The following ADAT2 variants were observed in gnomAD, a reference collection of about 807,000 sequenced individuals.
ADAT2 encodes the protein tRNA-specific adenosine-34 deaminase catalytic subunit ADAT2.
Under a neutral mutation model 25.9 loss-of-function variants are expected in ADAT2, and 26 were observed. The observed-to-expected ratio is 1.00, with a 90% CI of 0.74 to 1.39. ADAT2 has a LOEUF of 1.39. ADAT2 is among the 40% of genes most tolerant of loss of function. The probability of loss-of-function intolerance (pLI) is 0.00; values close to 1 mark genes in which losing one functional copy is unlikely to be tolerated. For synonymous variants in ADAT2, 76 were observed against 86.8 expected, an observed-to-expected ratio of 0.88 and a Z score of 0.69; for missense variants, 220 against 244.8, an observed-to-expected ratio of 0.90 and a Z score of 0.68.
At position 143,425,946 on chromosome 6, in the gene ADAT2, G is replaced by C. The variant is rs1138410; in HGVS notation, c.*2517C>G. On this transcript the variant is annotated 3_prime_UTR_variant, in exon 6 of 6. Coordinates refer to ENST00000237283, the MANE Select transcript of ADAT2 (RefSeq NM_182503.3). ...AGAAAGCACAAAGATATTTTAACAT[G>C]ATCTTTTATCAGTGATTGAAGCCTA... is the stretch of plus-strand genomic sequence containing the variant. 35,220 of 152,424 alleles carry C rather than the reference G, an allele frequency of 0.23. 4,643 individuals carry two copies. Among genetic ancestry groups the C allele is most frequent in the Middle Eastern group, 0.3 (89 of 294 alleles). 9.4% of individuals were successfully genotyped at this position (152,424 alleles called of 1,614,324 possible). A position where few individuals can be genotyped will look rare whatever the true frequency, so the allele number is the denominator to read the frequency against.
Position 143,424,555 on chromosome 6 carries a change from T to C in ADAT2, c.*3908A>G, listed in dbSNP as rs567583490. ...GAGTGTTTATCCCATTGGATCACCATAGGTCATCTGCAGTATCAGAAACAT... is the reference window on the plus strand; with the variant it reads ...GAGTGTTTATCCCATTGGATCACCACAGGTCATCTGCAGTATCAGAAACAT... On this transcript the variant is annotated 3_prime_UTR_variant, in exon 6 of 6. Coordinates refer to ENST00000237283, the MANE Select transcript of ADAT2 (RefSeq NM_182503.3). This position sits in a 1 kb window ranked among gnomAD's most constrained non-coding sequence, Gnocchi z 4.8. The C allele has an allele frequency of 3.3e-5, 5 of 152,336 alleles. No individual in the cohort carries two copies. Among genetic ancestry groups the C allele is most frequent in the African/African-American group, 9.6e-5 (4 of 41,570 alleles). The allele number at this position is 152,336 out of a possible 1,614,324, so 9.4% of individuals were successfully genotyped here. A position where few individuals can be genotyped will look rare whatever the true frequency, so the allele number is the denominator to read the frequency against.
At chr6:143,445,981 G>A (rs772352479) in intron 1 of ADAT2, among the ~76,000 whole-genome samples, 56 of 151,038 alleles carry the variant, frequency 3.7e-4, no homozygotes, top group Non-Finnish European at 7.8e-4. Flanking sequence ...ATACACATAT[G>A]TATAGATAGT....
Position 143,432,408 on chromosome 6 carries a change from G to C in ADAT2, c.459+97C>G. On this transcript the variant is annotated intron_variant, in intron 4 of 5. Coordinates refer to ENST00000237283, the MANE Select transcript of ADAT2 (RefSeq NM_182503.3). This position sits in a 1 kb window ranked among gnomAD's most constrained non-coding sequence, Gnocchi z 4.4. ...ATCAAAGATGTCTGATTCTATCATC[G>C]TTTCTTCGTATACTGGCCACACACT... 1 of 1,112,366 alleles carries C rather than the reference G, an allele frequency of 9.0e-7. No individual in the cohort carries two copies. Among genetic ancestry groups the C allele is most frequent in the Non-Finnish European group, 1.3e-6 (1 of 747,796 alleles). The allele number at this position is 1,112,366 out of a possible 1,614,324, so 68.9% of individuals were successfully genotyped here.
intron 4 of ADAT2, among the ~76,000 whole-genome samples, chr6:143,429,232 T>C (rs1779037253): frequency 6.6e-6 from 1 of 152,120 alleles, no homozygotes; most frequent in South Asian, 2.1e-4. Flanking sequence ...GGTTTTTATA[T>C]CTTAAAAGCT....
rs369961060 is a variant in ADAT2 at position 143,425,500 on chromosome 6, CAAAA to C, written c.*2959_*2962del. On this transcript the variant is annotated 3_prime_UTR_variant, in exon 6 of 6. Transcript: ENST00000237283. Reference sequence around the variant, plus strand: ...CTGGACGACAGAGTGAGACCTATCTCAAAAAAAAAAAAAAAAAAGAAAAAGCTGG... The same window carrying C: ...CTGGACGACAGAGTGAGACCTATCTCAAAAAAAAAAAAAAGAAAAAGCTGG... 75 of 118,754 alleles carry C rather than the reference CAAAA, an allele frequency of 6.3e-4. No individual in the cohort carries two copies. Among genetic ancestry groups the C allele is most frequent in the Admixed American group, 9.3e-4 (11 of 11,838 alleles). The allele number at this position is 118,754 out of a possible 1,614,324, so 7.4% of individuals were successfully genotyped here.
chr6:143,438,812 C>T, intron 1 of ADAT2, 118 bp from the exon 2 acceptor site: 1 of 791,234 alleles, frequency 1.3e-6, no homozygotes, highest in Non-Finnish European at 2.1e-6. Context: ...CAAAGAAGTG[C>T]AGCCTTCCCT....
At position 143,444,254 on chromosome 6, in the gene ADAT2, A is replaced by C. The variant is rs1319122553; in HGVS notation, c.97-5560T>G. ...ACAGAGAGCAAATATGAGCGATCGG[A>C]ATATTTTAAAAGGACAAATAACGTC... On this transcript the variant is annotated intron_variant, in intron 1 of 5. Coordinates refer to ENST00000237283, the MANE Select transcript of ADAT2 (RefSeq NM_182503.3). This position sits in a 1 kb window ranked among gnomAD's most constrained non-coding sequence, Gnocchi z 4.3. 6.6e-6 allele frequency among the ~76,000 whole-genome samples: 1 copy of C among 152,146 alleles called. No individual in the cohort carries two copies. The highest frequency in any genetic ancestry group is 1.5e-5 in the Non-Finnish European group (1 of 68,022).
intron 1 of ADAT2, among the ~76,000 whole-genome samples, chr6:143,447,977 C>G (rs2128744268): frequency 6.6e-6 from 1 of 152,266 alleles, no homozygotes; most frequent in South Asian, 2.1e-4. Flanking sequence ...TTCACAATAG[C>G]AAAGACTTGG....
At chr6:143,447,836 G>A (rs543348264) in intron 1 of ADAT2, among the ~76,000 whole-genome samples, 1 of 152,264 alleles carries the variant, frequency 6.6e-6, no homozygotes, top group South Asian at 2.1e-4. Flanking sequence ...AAGACAGTGT[G>A]GCGATTCCTC....
intron 1 of ADAT2, among the ~76,000 whole-genome samples, chr6:143,445,326 G>T (rs975914988): frequency 1.3e-5 from 2 of 151,874 alleles, no homozygotes; most frequent in Non-Finnish European, 2.9e-5. Flanking sequence ...GTTATGGACT[G>T]TCTCACTTGA....
rs754920827 is a variant in ADAT2, at chr6:143,450,637, T to G, written c.22A>C (p.Lys8Gln). The change falls in exon 1 of 6, where the codon AAG becomes CAG. Residue 8 changes from lysine (K) to glutamine (Q), a missense_variant. Physicochemically the swap from Lys to Gln is moderately conservative, Grantham distance 53. Coordinates refer to ENST00000237283, the MANE Select transcript of ADAT2 (RefSeq NM_182503.3). MEAKAAP[K>Q]PAASGACSVS... ...GAGCACGCGCCGCTTGCAGCTGGCT[T>G]GGGTGCCGCCTTCGCCTCCATACCC... 1 of 1,613,836 alleles carries G rather than the reference T, an allele frequency of 6.2e-7. No homozygotes were observed. Among genetic ancestry groups the G allele is most frequent in the Admixed American group, 1.7e-5 (1 of 60,024 alleles).
intron 1 of ADAT2, 63 bp from the exon 2 acceptor site, chr6:143,438,757 A>G (rs1168767092): frequency 4.1e-5 from 55 of 1,328,160 alleles, no homozygotes; most frequent in Non-Finnish European, 5.3e-5. Flanking sequence ...TATAGGAGAG[A>G]AAGAGATGCA....
At chr6:143,430,338 T>C (rs1779069639) in intron 4 of ADAT2, among the ~76,000 whole-genome samples, 1 of 152,120 alleles carries the variant, frequency 6.6e-6, no homozygotes, top group East Asian at 1.9e-4. Flanking sequence ...AACACAGCAC[T>C]GTTGGCCCCC....
intron 1 of ADAT2, among the ~76,000 whole-genome samples, chr6:143,448,356 C>T (rs1013863733): frequency 8.6e-5 from 13 of 151,978 alleles, no homozygotes; most frequent in African/African-American, 3.1e-4. Context: ...ACATATGTAA[C>T]AAACCTGCAC....
intron 1 of ADAT2, among the ~76,000 whole-genome samples, chr6:143,441,112 C>A (rs1033782913): frequency 6.6e-6 from 1 of 152,182 alleles, no homozygotes; most frequent in Non-Finnish European, 1.5e-5. Context: ...TTGGGGCTCA[C>A]TAAAATTTCA....
At chr6:143,448,167 C>T (rs1447662643) in intron 1 of ADAT2, among the ~76,000 whole-genome samples, 4 of 152,112 alleles carry the variant, frequency 2.6e-5, no homozygotes, top group Admixed American at 6.6e-5. Flanking sequence ...AACCAAACAC[C>T]GCATGTTCTC....
chr6:143,448,069 A>G (rs1445375617), intron 1 of ADAT2, among the ~76,000 whole-genome samples: 1 of 152,188 alleles, frequency 6.6e-6, no homozygotes, highest in Non-Finnish European at 1.5e-5. Context: ...ATGCAGCCAT[A>G]AAAAAGGATG....
intron 2 of ADAT2, among the ~76,000 whole-genome samples, chr6:143,435,973 A>G (rs922565379): frequency 6.6e-6 from 1 of 152,202 alleles, no homozygotes; most frequent in African/African-American, 2.4e-5. Context: ...GGCAGTTATA[A>G]TACTTCTCAG....
Position 143,428,540 on chromosome 6 carries a change from AG to A in ADAT2, c.533-35del. The A allele has an allele frequency of 1.2e-6, 2 of 1,613,094 alleles. No individual in the cohort carries two copies. The highest frequency in any genetic ancestry group is 1.7e-6 in the Non-Finnish European group (2 of 1,179,328). ...AGAATAGAAAAGAAAAAGAAAATGA[AG>A]AGGTAAGCTCATAGCAGATTCTCTT... On this transcript the variant is annotated intron_variant, in intron 5 of 5. Transcript: ENST00000237283. The surrounding 1 kb of genome is among the most constrained non-coding windows in gnomAD (Gnocchi z 5.0).
Sources: allele counts gnomAD v4.1 joint callset (sites outside exome capture counted in the v4.1 genomes callset), GRCh38; gene constraint gnomAD v4.1.1; non-coding constraint Gnocchi (gnomAD v3.1); transcripts MANE v1.5; gene names NCBI Gene and HGNC (gene_info 2026-07-23, HGNC 2026-07-21).